SPRY3: variants seen among roughly 807,000 people sequenced by gnomAD.
SPRY3 encodes protein sprouty homolog 3.
In SPRY3, 15 loss-of-function variants were observed where a neutral mutation model predicts 20.2. That is an observed-to-expected ratio of 0.74 (90% confidence interval 0.50 to 1.14). The LOEUF is 1.14. Among genes scored for constraint, SPRY3 ranks in the 50% most tolerant of loss-of-function variants. SPRY3 has a pLI of 0.00. For synonymous variants in SPRY3, 143 were observed against 136.5 expected, an observed-to-expected ratio of 1.05 and a Z score of -0.33; for missense variants, 364 against 363.9, an observed-to-expected ratio of 1.00 and a Z score of 0.00.
intron 2 of SPRY3, among the ~76,000 whole-genome samples, chrX:155,667,564 T>C (rs1477641137): frequency 9.0e-6 from 1 of 111,321 alleles, no homozygotes; most frequent in Admixed American, 9.5e-5. Context: ...TGGTGCCTTT[T>C]GTTATACCTA....
intron 1 of SPRY3, among the ~76,000 whole-genome samples, chrX:155,649,705 G>A (rs999233443): frequency 9.0e-5 from 10 of 111,010 alleles, no homozygotes; most frequent in African/African-American, 3.0e-4. Flanking sequence ...TTTGAAAATC[G>A]GCACAAGACA....
At chrX:155,677,062 A>G (rs2124564194) in intron 2 of SPRY3, among the ~76,000 whole-genome samples, 1 of 111,905 alleles carries the variant, frequency 8.9e-6, no homozygotes, top group African/African-American at 3.2e-5. Flanking sequence ...TATTAATTAA[A>G]TCATATAATT....
At chrX:155,651,078 CT>C (rs374328833) in intron 1 of SPRY3, among the ~76,000 whole-genome samples, 256 of 100,590 alleles carry the variant, frequency 2.5e-3, no homozygotes, top group South Asian at 6.5e-3. Flanking sequence ...GATGTTATCA[CT>C]TTTTTTTTTT....
intron 2 of SPRY3, among the ~76,000 whole-genome samples, chrX:155,677,012 A>G (rs1336919534): frequency 9.0e-6 from 1 of 111,402 alleles, no homozygotes; most frequent in Non-Finnish European, 1.9e-5. Flanking sequence ...TTCCATTTCC[A>G]GATGTATTCT....
intron 2 of SPRY3, among the ~76,000 whole-genome samples, chrX:155,735,823 T>C (rs2091164893): frequency 6.6e-6 from 1 of 151,918 alleles, no homozygotes; most frequent in South Asian, 2.1e-4. Flanking sequence ...ATTATTGATG[T>C]GGTTTGATTA....
At chrX:155,642,033 T>C (rs1298445580) in intron 1 of SPRY3, among the ~76,000 whole-genome samples, 2 of 112,499 alleles carry the variant, frequency 1.8e-5, no homozygotes, top group African/African-American at 6.5e-5. Flanking sequence ...ATGAGTTTCA[T>C]AGCTTTCTGA....
At chrX:155,639,441 G>T (rs2067934239) in intron 1 of SPRY3, among the ~76,000 whole-genome samples, 1 of 111,972 alleles carries the variant, frequency 8.9e-6, no homozygotes, top group South Asian at 3.6e-4. Flanking sequence ...CTGTGAGTTT[G>T]ATTATTATAG....
At chrX:155,692,515 G>A (rs887938286) in intron 2 of SPRY3, among the ~76,000 whole-genome samples, 1 of 110,797 alleles carries the variant, frequency 9.0e-6, no homozygotes, top group Non-Finnish European at 1.9e-5. Context: ...GCATTTTCTA[G>A]GTTATTTGTG....
In SPRY3 at chrX:155,699,452, C is replaced by T. The variant is rs1016901248; in HGVS notation, c.-282+42427C>T. ...GGTCAGTGTCACCTTGCACGGTCCTCCATGAACCTCAACGGGTGCTCCCAG... is the reference window on the plus strand; with the variant it reads ...GGTCAGTGTCACCTTGCACGGTCCTTCATGAACCTCAACGGGTGCTCCCAG... On this transcript the variant is annotated intron_variant, in intron 2 of 3. Coordinates refer to ENST00000675360, the Ensembl canonical transcript of SPRY3. 2.7e-5 allele frequency among the ~76,000 whole-genome samples: 3 copies of T among 111,657 alleles called. No individual in the cohort carries two copies. The Admixed American group carries it at 2.9e-4, about 11-fold the overall frequency.
chrX:155,633,078 T>C (rs1183484566), intron 1 of SPRY3, among the ~76,000 whole-genome samples: 1 of 111,181 alleles, frequency 9.0e-6, no homozygotes, highest in East Asian at 2.8e-4. Context: ...TCAACAATTT[T>C]TGATGGCAGC....
intron 2 of SPRY3, among the ~76,000 whole-genome samples, chrX:155,672,642 T>A (rs2068044840): frequency 9.2e-6 from 1 of 108,841 alleles, no homozygotes; most frequent in African/African-American, 3.4e-5. Context: ...TCAACCATTG[T>A]GGAAGTCAGT....
intron 2 of SPRY3, among the ~76,000 whole-genome samples, chrX:155,710,345 G>A: frequency 6.6e-6 from 1 of 151,476 alleles, no homozygotes; most frequent in Non-Finnish European, 1.5e-5. Flanking sequence ...TCTTTCATCA[G>A]TGTTTTACAA....
Position 155,774,284 on chromosome X carries a change from G to T in SPRY3, c.413G>T (p.Gly138Val), listed in dbSNP as rs201356878. ...AAGGGAGAAGCTGAGCAATCTGCAG[G>T]GCACCCTAGTGAGCACCTCTTCATC... Residue 138 changes from glycine to valine, a missense_variant, in exon 4 of 4, where the codon GGG (glycine) becomes GTG (valine). Transcript: ENST00000675360. 2.3e-4 allele frequency: 378 copies of T among 1,614,006 alleles called. 6 individuals carry two copies. The South Asian group carries it at 3.6e-3, about 15-fold the overall frequency.
intron 2 of SPRY3, among the ~76,000 whole-genome samples, chrX:155,736,198 AC>A (rs1175266213): frequency 6.6e-6 from 1 of 151,964 alleles, no homozygotes; most frequent in Non-Finnish European, 1.5e-5. Flanking sequence ...TTTTGAACAA[AC>A]TTTTACCTGT....
At chrX:155,710,450 T>G (rs1182961099) in intron 2 of SPRY3, among the ~76,000 whole-genome samples, 3 of 151,604 alleles carry the variant, frequency 2.0e-5, no homozygotes, top group Admixed American at 2.0e-4. Context: ...ACTTTTTGAT[T>G]TTTTTCAGAT....
intron 2 of SPRY3, among the ~76,000 whole-genome samples, chrX:155,657,906 G>C (rs1474189508): frequency 9.0e-6 from 1 of 111,729 alleles, no homozygotes; most frequent in African/African-American, 3.3e-5. Context: ...GCCCCACCCT[G>C]GTTCTGCTCA....
At chrX:155,758,693 G>A (rs2091292595) in intron 2 of SPRY3, among the ~76,000 whole-genome samples, 1 of 152,166 alleles carries the variant, frequency 6.6e-6, no homozygotes, top group Non-Finnish European at 1.5e-5. Context: ...AAGACTTTCA[G>A]AATTTGTGTG....
chrX:155,704,919 C>A (rs1174101160), intron 2 of SPRY3, among the ~76,000 whole-genome samples: 1 of 151,260 alleles, frequency 6.6e-6, no homozygotes, highest in East Asian at 1.9e-4. Context: ...AGAAAAAAAT[C>A]TTTTTAAAAT....
chrX:155,734,226 A>T (rs2124566583), intron 2 of SPRY3, among the ~76,000 whole-genome samples: 1 of 152,202 alleles, frequency 6.6e-6, no homozygotes, highest in African/African-American at 2.4e-5. Context: ...GAGACATGTA[A>T]CTTTTCCTTT....
Sources: gnomAD v4.1 joint callset for allele counts (sites outside exome capture counted in the v4.1 genomes callset) on GRCh38, gnomAD v4.1.1 for gene constraint, MANE v1.5 for transcripts, NCBI Gene and HGNC (gene_info 2026-07-23, HGNC 2026-07-21) for gene names.